DYNC1H1: variants seen among roughly 807,000 people sequenced by gnomAD.
The protein encoded by DYNC1H1 is dynein cytoplasmic 1 heavy chain 1.
A neutral mutation model predicts 527.1 loss-of-function variants in DYNC1H1; 51 were observed. That is an observed-to-expected ratio of 0.10 (90% CI 0.08 to 0.12). DYNC1H1 has a LOEUF of 0.12. Among genes scored for constraint, DYNC1H1 ranks in the 10% least tolerant of loss-of-function variants. The pLI is 1.00. For missense variants in DYNC1H1, 2,771 were observed against 5,971.8 expected (o/e 0.46, Z 17.66); for synonymous variants, 2,189 against 2,278.8 (o/e 0.96, Z 1.12).
chr14:102,025,506 G>A (rs1208212777), intron 43 of DYNC1H1, among the ~76,000 whole-genome samples: 1 of 148,746 alleles, frequency 6.7e-6, no homozygotes, highest in Non-Finnish European at 1.5e-5. Context: ...AGGTTGCAGT[G>A]AGCTGAGATC....
chr14:102,022,936 ACTAACGAATT>A (rs2048403077), intron 43 of DYNC1H1, 56 bp downstream of exon 43: 2 of 1,612,786 alleles, frequency 1.2e-6, no homozygotes, highest in Non-Finnish European at 8.5e-7. Flanking sequence ...CCTTTCTAAC[ACTAACGAATT>A]CTAACGAATT....
At position 102,016,105 on chromosome 14, in the gene DYNC1H1, C is replaced by T. The variant is rs1292621947; in HGVS notation, c.7473+19C>T. The T allele has an allele frequency of 6.3e-7, 1 of 1,586,378 alleles. No homozygotes were observed. Among genetic ancestry groups the T allele is most frequent in the Non-Finnish European group, 8.6e-7 (1 of 1,167,174 alleles). ...CATTCAGGTCAGGGGGCATCAGGGG[C>T]TTCACAGAGCTCACCACTGCGCCAG... On this transcript the variant is annotated intron_variant, in intron 36 of 77. Coordinates refer to ENST00000360184, the MANE Select transcript of DYNC1H1 (RefSeq NM_001376.5). This position sits in a 1 kb window ranked among gnomAD's most constrained non-coding sequence, Gnocchi z 7.3.
In DYNC1H1 at chr14:102,033,796, C is replaced by T. The variant is rs2048538174; in HGVS notation, c.10414-180C>T. On this transcript the variant is annotated intron_variant, in intron 54 of 77. Coordinates refer to ENST00000360184, the MANE Select transcript of DYNC1H1 (RefSeq NM_001376.5). The surrounding 1 kb of genome is among the most constrained non-coding windows in gnomAD (Gnocchi z 5.6). The stretch of plus-strand genomic sequence containing the variant: ...CTTCTGCCCCGCTGAGATTCTGAGT[C>T]GTGTGTGGTCATTAGTTATATATGA... 2.7e-6 allele frequency: 2 copies of T among 729,026 alleles called. No individual in the cohort carries two copies. Among genetic ancestry groups the T allele is most frequent in the Non-Finnish European group, 2.3e-6 (1 of 433,506 alleles). The allele number at this position is 729,026 out of a possible 1,614,324, so 45.2% of individuals were successfully genotyped here. A position where few individuals can be genotyped will look rare whatever the true frequency, so the allele number is the denominator to read the frequency against.
chr14:102,037,026 G>A lies in DYNC1H1; in HGVS notation c.10908+384G>A. ...GCAGGAGAATCACTTGAACCCGGGA[G>A]GCGGAGGTTGCAGTGAGCCGAGATC... On this transcript the variant is annotated intron_variant, in intron 57 of 77. Coordinates refer to ENST00000360184, the MANE Select transcript of DYNC1H1 (RefSeq NM_001376.5). The A allele has an allele frequency of 9.1e-6, 3 of 328,528 alleles. No individual in the cohort carries two copies. In the East Asian group the frequency reaches 2.4e-4, roughly 26 times the overall value. The allele number at this position is 328,528 out of a possible 1,614,324, so 20.4% of individuals were successfully genotyped here.
At chr14:102,003,352 C>G (rs1486619387) in intron 23 of DYNC1H1, among the ~76,000 whole-genome samples, 2 of 151,624 alleles carry the variant, frequency 1.3e-5, no homozygotes, top group African/African-American at 4.9e-5. Context: ...ACCTCCTCCT[C>G]CCAGGTTCAA....
chr14:102,044,738 C>T lies in DYNC1H1; in HGVS notation c.13006+40C>T, dbSNP rs369654861. ...TCCTCCCCACACGCAGGGTGGGTGG[C>T]GAGGGTCCCCTCACGCGGGGTGGGT... On this transcript the variant is annotated intron_variant, in intron 72 of 77. Coordinates refer to ENST00000360184, the MANE Select transcript of DYNC1H1 (RefSeq NM_001376.5). The surrounding 1 kb of genome is among the most constrained non-coding windows in gnomAD (Gnocchi z 7.1). The T allele has an allele frequency of 7.6e-5, 106 of 1,395,752 alleles. No homozygotes were observed. The highest frequency in any genetic ancestry group is 1.1e-4 in the Admixed American group (6 of 54,900). 86.5% of individuals were successfully genotyped at this position (1,395,752 alleles called of 1,614,324 possible).
intron 43 of DYNC1H1, among the ~76,000 whole-genome samples, chr14:102,025,117 C>T (rs933054263): frequency 2.0e-5 from 3 of 151,906 alleles, no homozygotes; most frequent in Non-Finnish European, 4.4e-5. Context: ...GGGCGGATCA[C>T]CTGAGGTCAG....
chr14:102,032,904 C>A, intron 52 of DYNC1H1, 161 bp from the exon 53 acceptor site: 1 of 718,386 alleles, frequency 1.4e-6, no homozygotes. Context: ...ACATTTTCAG[C>A]TTTCACCTGA....
chr14:102,032,600 C>T, intron 52 of DYNC1H1, 133 bp downstream of exon 52: 1 of 1,222,702 alleles, frequency 8.2e-7, no homozygotes, highest in African/African-American at 1.5e-5. Context: ...GGCTCCAATC[C>T]CAGAACTTTG....
Position 102,012,085 on chromosome 14 carries a change from G to C in DYNC1H1, c.6829G>C (p.Asp2277His). The C allele has an allele frequency of 6.2e-7, 1 of 1,614,218 alleles. No homozygotes were observed. The stretch of plus-strand genomic sequence containing the variant: ...GGACCCCAACACCAGGGAATGGACA[G>C]ATGGGCTCTTCACACACGTGCTGAG... ...TLDPNTREWT[D>H]GLFTHVLRKI... Residue 2277 changes from aspartate to histidine, a missense_variant, in exon 33 of 78, where the codon GAT (aspartate) becomes CAT (histidine). Around this residue, in one of 32 missense-constraint regions of DYNC1H1, gnomAD observed 56 missense variants for 183.8 expected, o/e 0.30. Coordinates refer to ENST00000360184, the MANE Select transcript of DYNC1H1 (RefSeq NM_001376.5). The surrounding 1 kb of genome is among the most constrained non-coding windows in gnomAD (Gnocchi z 4.9).
chr14:101,993,290 T>C (rs2048019564), intron 11 of DYNC1H1, among the ~76,000 whole-genome samples: 1 of 152,110 alleles, frequency 6.6e-6, no homozygotes, highest in African/African-American at 2.4e-5. Context: ...ATTATTAATA[T>C]TCCCTCCTAT....
At chr14:101,988,680 C>A (rs1334155380) in intron 9 of DYNC1H1, 23 bp from the exon 10 acceptor site, 1 of 1,613,996 alleles carries the variant, frequency 6.2e-7, no homozygotes, top group Non-Finnish European at 8.5e-7. Context: ...AAACACTGTT[C>A]TCTGATATAA....
In DYNC1H1 at chr14:101,987,437, A is replaced by G. The variant is rs767381993; in HGVS notation, c.2539-16A>G. 3 of 1,612,244 alleles carry G rather than the reference A, an allele frequency of 1.9e-6. No individual in the cohort carries two copies. In the East Asian group the frequency reaches 6.7e-5, roughly 36 times the overall value. ...TGTGAGTGGGTGTTTTAAATATTAA[A>G]TATTTCTTCCTTCAGGTGGATGATC... On this transcript the variant is annotated splice_polypyrimidine_tract_variant and intron_variant, in intron 8 of 77. Transcript: ENST00000360184.
chr14:102,043,829 A>G, intron 69 of DYNC1H1, 46 bp from the exon 70 acceptor site: 1 of 1,613,776 alleles, frequency 6.2e-7, no homozygotes, highest in African/African-American at 1.3e-5. Context: ...TTCTTGGCGA[A>G]GTGCTGTTTT....
chr14:102,049,418 G>A lies in DYNC1H1; in HGVS notation c.13373-22G>A. 1 of 1,613,632 alleles carries A rather than the reference G, an allele frequency of 6.2e-7. No homozygotes were observed. The highest frequency in any genetic ancestry group is 8.5e-7 in the Non-Finnish European group (1 of 1,180,044). On this transcript the variant is annotated intron_variant, in intron 74 of 77. Transcript: ENST00000360184. The surrounding 1 kb of genome is among the most constrained non-coding windows in gnomAD (Gnocchi z 5.5). ...GGAGTTGTGAGAGCTGACACCCTGGGCTCTGTGTGCCTTGGCTGCAGGGAT... is the reference window on the plus strand; with the variant it reads ...GGAGTTGTGAGAGCTGACACCCTGGACTCTGTGTGCCTTGGCTGCAGGGAT...
In DYNC1H1 at chr14:102,041,169, A is replaced by C. The variant is rs375901911; in HGVS notation, c.11942-405A>C. ...AGTTAACTGGCTGTATTCATGCTGC[A>C]GACAGGAATGGAATGCCATCAGCCG... On this transcript the variant is annotated intron_variant, in intron 64 of 77. Transcript: ENST00000360184. The surrounding 1 kb of genome is among the most constrained non-coding windows in gnomAD (Gnocchi z 4.5). The C allele has an allele frequency of 3.7e-5, 13 of 352,680 alleles. No individual in the cohort carries two copies. The highest frequency in any genetic ancestry group is 2.1e-4 in the African/African-American group (10 of 47,308). 21.8% of individuals were successfully genotyped at this position (352,680 alleles called of 1,614,324 possible).
chr14:101,965,142 G>A lies in DYNC1H1; in HGVS notation c.256+195G>A, dbSNP rs867054173. ...CCAGGGCCGCAGACGCCCCGCAGAG[G>A]CCGGCGCGGCGCCCGGGGCTCGCCC... On this transcript the variant is annotated intron_variant, in intron 1 of 77. Transcript: ENST00000360184. This position sits in a 1 kb window ranked among gnomAD's most constrained non-coding sequence, Gnocchi z 4.1. Among the ~76,000 whole-genome samples the A allele has an allele frequency of 1.3e-5, 2 of 151,852 alleles. No individual in the cohort carries two copies. Among genetic ancestry groups the A allele is most frequent in the African/African-American group, 2.4e-5 (1 of 41,380 alleles).
intron 15 of DYNC1H1, among the ~76,000 whole-genome samples, chr14:101,996,833 G>T (rs1443952723): frequency 6.6e-6 from 1 of 151,864 alleles, no homozygotes; most frequent in Non-Finnish European, 1.5e-5. Flanking sequence ...ATGTTGCCCA[G>T]GCTGGTCTTA....
Position 102,016,772 on chromosome 14 carries a change from A to G in DYNC1H1, c.7621A>G (p.Ile2541Val). ...NIPIIDYEVSISGEWSPWQAK... is the reference protein window; with the variant it reads ...NIPIIDYEVSVSGEWSPWQAK... The stretch of plus-strand genomic sequence containing the variant: ...CTTCCATCTCCGTGTGTAGGTGTCC[A>G]TCAGCGGAGAATGGTCTCCGTGGCA... Residue 2541 changes from isoleucine (I) to valine (V), a missense_variant, in exon 38 of 78, where the codon ATC (isoleucine) becomes GTC (valine). Physicochemically the swap from Ile to Val is conservative, Grantham distance 29. This residue lies in a region of DYNC1H1 where 71 missense variants were observed against 143.6 expected (regional missense o/e 0.49). Coordinates refer to ENST00000360184, the MANE Select transcript of DYNC1H1 (RefSeq NM_001376.5). This position sits in a 1 kb window ranked among gnomAD's most constrained non-coding sequence, Gnocchi z 7.3. 3.1e-6 allele frequency: 5 copies of G among 1,613,706 alleles called. No homozygotes were observed. Among genetic ancestry groups the G allele is most frequent in the Non-Finnish European group, 4.2e-6 (5 of 1,179,956 alleles).
Sources: gnomAD v4.1 joint callset for allele counts (sites outside exome capture counted in the v4.1 genomes callset) on GRCh38, gnomAD v4.1.1 for gene constraint, gnomAD v4.1.1 regional missense constraint, Gnocchi (gnomAD v3.1) non-coding constraint, MANE v1.5 for transcripts, NCBI Gene and HGNC (gene_info 2026-07-23, HGNC 2026-07-21) for gene names.